The following VIM variants were observed in gnomAD, a reference collection of about 807,000 sequenced individuals.
The protein encoded by VIM is vimentin.
VIM carries 18 observed loss-of-function variants against 50.3 expected under a neutral mutation model. The observed-to-expected ratio is 0.36, with a 90% CI of 0.25 to 0.53. VIM has a LOEUF of 0.53. Ranked by LOEUF, VIM falls within the 20% of genes least tolerant of loss-of-function variation. VIM has a pLI of 0.91. For synonymous variants in VIM, 245 were observed against 248.5 expected (o/e 0.99, Z 0.13); for missense variants, 551 against 614.7 (o/e 0.90, Z 1.10).
chr10:17,235,151 C>A lies in VIM; in HGVS notation c.1009-18C>A. On this transcript the variant is annotated intron_variant, in intron 6 of 9. Coordinates refer to ENST00000544301, the MANE Select transcript of VIM (RefSeq NM_003380.5). The stretch of plus-strand genomic sequence containing the variant: ...TTTTCTGAGAAATAACACCAGACAT[C>A]TTTCTCACCCCCTGCAGAATGAGTC... 6.2e-7 allele frequency: 1 copy of A among 1,613,486 alleles called. No homozygotes were observed. Among genetic ancestry groups the A allele is most frequent in the Non-Finnish European group, 8.5e-7 (1 of 1,179,390 alleles).
At chr10:17,230,471 G>A in intron 2 of VIM, 179 bp from the exon 3 acceptor site, 2 of 769,288 alleles carry the variant, frequency 2.6e-6, no homozygotes, top group South Asian at 1.4e-5. Flanking sequence ...CCTCTGCGCG[G>A]TGCCCGAAGT....
At chr10:17,233,727 C>A in intron 4 of VIM, 43 bp from the exon 5 acceptor site, 1 of 1,614,184 alleles carries the variant, frequency 6.2e-7, no homozygotes, top group South Asian at 1.1e-5. Flanking sequence ...TAAGGCAGCC[C>A]CCACGGTTGG....
In VIM at chr10:17,230,698, A is replaced by G. The variant is rs143636314; in HGVS notation, c.612A>G (p.Gln204=). 40 of 1,614,100 alleles carry G rather than the reference A, an allele frequency of 2.5e-5. No homozygotes were observed. The African/African-American group carries it at 3.7e-4, about 15-fold the overall frequency. ...LQREEAENTL[Q]SFRQDVDNAS... ...GAGAGGAAGCCGAAAACACCCTGCA[A>G]TCTTTCAGACAGGTTTGTAGACTCT... The change falls in exon 3 of 10, where the codon CAA becomes CAG. Residue 204 remains glutamine (Q), a synonymous_variant. Coordinates refer to ENST00000544301, the MANE Select transcript of VIM (RefSeq NM_003380.5).
intron 3 of VIM, among the ~76,000 whole-genome samples, chr10:17,231,390 G>A (rs1846795325): frequency 6.6e-6 from 1 of 152,128 alleles, no homozygotes; most frequent in African/African-American, 2.4e-5. Flanking sequence ...TTGGCTAAGG[G>A]GTATTAATGG....
intron 7 of VIM, chr10:17,235,624 C>G: frequency 1.4e-6 from 1 of 693,550 alleles, no homozygotes; most frequent in African/African-American, 1.8e-5. Flanking sequence ...GCCTCCACTC[C>G]TAACTCCTGT....
intron 5 of VIM, chr10:17,234,198 C>T: frequency 2.4e-6 from 1 of 414,876 alleles, no homozygotes; most frequent in Non-Finnish European, 4.4e-6. Context: ...ACACTGCAAC[C>T]TCCGCCTCCC....
At chr10:17,236,455 C>A in intron 9 of VIM, 76 bp downstream of exon 9, 1 of 1,217,390 alleles carries the variant, frequency 8.2e-7, no homozygotes, top group Non-Finnish European at 1.2e-6. Context: ...GAATCTGAAT[C>A]TCAGATACAG....
At chr10:17,230,535 G>T in intron 2 of VIM, 115 bp from the exon 3 acceptor site, 2 of 1,193,672 alleles carry the variant, frequency 1.7e-6, no homozygotes, top group Admixed American at 3.4e-5. Context: ...CGCTAGTTGC[G>T]CGGAGGTGGC....
rs767007282 is a variant in VIM at position 17,229,591 on chromosome 10, C to T, written c.169C>T (p.Pro57Ser). The change falls in exon 2 of 10, where the codon CCG becomes TCG. Residue 57 changes from proline (P) to serine (S), a missense_variant. Pro to Ser is a moderately conservative substitution (Grantham distance 74). Coordinates refer to ENST00000544301, the MANE Select transcript of VIM (RefSeq NM_003380.5). The stretch of plus-strand genomic sequence containing the variant: ...CAGCCGCAGCCTCTACGCCTCGTCC[C>T]CGGGCGGCGTGTATGCCACGCGCTC... The part of the protein sequence containing the change: ...STSRSLYASS[P>S]GGVYATRSSA... 1 of 1,606,144 alleles carries T rather than the reference C, an allele frequency of 6.2e-7. No homozygotes were observed. The highest frequency in any genetic ancestry group is 1.1e-5 in the South Asian group (1 of 90,106).
rs571601510 is a variant in VIM at position 17,237,296 on chromosome 10, A to G, written c.*25A>G. 5.6e-6 allele frequency: 9 copies of G among 1,597,496 alleles called. No individual in the cohort carries two copies. The highest frequency in any genetic ancestry group is 1.7e-4 in the Middle Eastern group (1 of 5,736). ...AAAATTGCACACACTCAGTGCAGCA[A>G]TATATTACCAGCAAGAATAAAAAAG... On this transcript the variant is annotated 3_prime_UTR_variant, in exon 10 of 10. Transcript: ENST00000544301.
At chr10:17,230,902 C>T in intron 3 of VIM, 192 bp downstream of exon 3, 2 of 572,166 alleles carry the variant, frequency 3.5e-6, no homozygotes, top group East Asian at 3.2e-5. Context: ...ACCCCTTGAG[C>T]GATTTTTTTT....
At chr10:17,231,979 C>A (rs1219054818) in intron 3 of VIM, among the ~76,000 whole-genome samples, 1 of 152,176 alleles carries the variant, frequency 6.6e-6, no homozygotes, top group African/African-American at 2.4e-5. Context: ...TTAACCACAG[C>A]AATGTGTGTG....
chr10:17,233,513 T>C (rs917559138), intron 3 of VIM, 74 bp from the exon 4 acceptor site: 1 of 1,466,234 alleles, frequency 6.8e-7, no homozygotes, highest in Non-Finnish European at 9.5e-7. Flanking sequence ...AGATGGTTAA[T>C]CTAAGACAAA....
chr10:17,237,121 C>A, intron 9 of VIM, 109 bp from the exon 10 acceptor site: 3 of 1,045,150 alleles, frequency 2.9e-6, no homozygotes, highest in Non-Finnish European at 2.9e-6. Context: ...TTCTGATTTG[C>A]ACAATAAATT....
intron 6 of VIM, 27 bp downstream of exon 6, chr10:17,234,845 G>A: frequency 1.2e-6 from 2 of 1,613,966 alleles, no homozygotes; most frequent in Non-Finnish European, 1.7e-6. Flanking sequence ...CAGTAAAAGA[G>A]GGAAAATAAT....
chr10:17,236,318 T>C lies in VIM; in HGVS notation c.1298T>C (p.Leu433Pro). 3 of 1,613,866 alleles carry C rather than the reference T, an allele frequency of 1.9e-6. No individual in the cohort carries two copies. The highest frequency in any genetic ancestry group is 2.5e-6 in the Non-Finnish European group (3 of 1,179,756). Residue 433 changes from leucine (L) to proline (P), a missense_variant, in exon 9 of 10, where the codon CTG (leucine) becomes CCG (proline). Leu to Pro is a moderately conservative substitution (Grantham distance 98, BLOSUM62 -3). Around this residue, in one of 3 missense-constraint regions of VIM, gnomAD observed 394 missense variants for 437.5 expected, o/e 0.90. Transcript: ENST00000544301. ...LRETNLDSLP[L>P]VDTHSKRTLL... ...GAAACTAATCTGGATTCACTCCCTC[T>C]GGTTGATACCCACTCAAAAAGGACA...
rs137961338 is a variant in VIM, at chr10:17,233,847, G to A, written c.798G>A (p.Thr266=). The A allele has an allele frequency of 2.3e-5, 37 of 1,614,162 alleles. No individual in the cohort carries two copies. The highest frequency in any genetic ancestry group is 2.1e-4 in the African/African-American group (16 of 75,042). The change falls in exon 5 of 10, where the codon ACG becomes ACA. Residue 266 remains threonine, a synonymous_variant. Coordinates refer to ENST00000544301, the MANE Select transcript of VIM (RefSeq NM_003380.5). ...IDVDVSKPDL[T]AALRDVRQQY... ...TGGATGTTTCCAAGCCTGACCTCAC[G>A]GCTGCCCTGCGTGACGTACGTCAGC...
At chr10:17,232,241 C>G (rs1477304914) in intron 3 of VIM, among the ~76,000 whole-genome samples, 2 of 151,978 alleles carry the variant, frequency 1.3e-5, no homozygotes, top group African/African-American at 4.8e-5. Context: ...TTTTTGTCAC[C>G]CACTCTTCAT....
At position 17,233,890 on chromosome 10, in the gene VIM, G is replaced by T; in HGVS notation, c.841G>T (p.Ala281Ser). ...ACGTCAGCAATATGAAAGTGTGGCTGCCAAGAACCTGCAGGAGGCAGAAGA... is the reference window on the plus strand; with the variant it reads ...ACGTCAGCAATATGAAAGTGTGGCTTCCAAGAACCTGCAGGAGGCAGAAGA... ...DVRQQYESVA[A>S]KNLQEAEEWY... is the part of the protein sequence containing the mutation. The change falls in exon 5 of 10, where the codon GCC (alanine) becomes TCC (serine). Residue 281 changes from alanine (A) to serine (S), a missense_variant. By Grantham distance (99) the Ala-to-Ser change is moderately conservative. Around this residue, in one of 3 missense-constraint regions of VIM, gnomAD observed 394 missense variants for 437.5 expected, o/e 0.90. Transcript: ENST00000544301. 1 of 1,614,132 alleles carries T rather than the reference G, an allele frequency of 6.2e-7. No homozygotes were observed. Among genetic ancestry groups the T allele is most frequent in the Non-Finnish European group, 8.5e-7 (1 of 1,180,010 alleles).
Sources: gnomAD v4.1 joint callset for allele counts (sites outside exome capture counted in the v4.1 genomes callset) on GRCh38, gnomAD v4.1.1 for gene constraint, gnomAD v4.1.1 regional missense constraint, MANE v1.5 for transcripts, NCBI Gene and HGNC (gene_info 2026-07-23, HGNC 2026-07-21) for gene names.